Variants in AOPEP observed in about 807,000 individuals in gnomAD.
The protein encoded by AOPEP is aminopeptidase O.
AOPEP carries 77 observed loss-of-function variants against 98.1 expected under a neutral mutation model. The observed-to-expected ratio is 0.78, with a 90% CI of 0.65 to 0.95. AOPEP has a LOEUF of 0.95. Among genes scored for constraint, AOPEP ranks in the 40% least tolerant of loss-of-function variants. The pLI is 0.00. For missense variants in AOPEP, 1,024 were observed against 1,024.7 expected (o/e 1.00, Z 0.01); for synonymous variants, 346 against 365.3 (o/e 0.95, Z 0.60).
intron 11 of AOPEP, among the ~76,000 whole-genome samples, chr9:94,986,691 G>A (rs955538985): frequency 5.6e-4 from 85 of 152,228 alleles, no homozygotes; most frequent in Admixed American, 3.5e-3. Context: ...TCTGTGCTGC[G>A]TGTTGTGTAA....
At chr9:94,937,364 A>T (rs556799854) in intron 7 of AOPEP, among the ~76,000 whole-genome samples, 10 of 152,236 alleles carry the variant, frequency 6.6e-5, no homozygotes. Flanking sequence ...CTGCGTGTGC[A>T]TGTCCCTCGT....
the AOPEP span, among the ~76,000 whole-genome samples, chr9:95,139,528 G>C: frequency 6.6e-6 from 1 of 152,086 alleles, no homozygotes; most frequent in Non-Finnish European, 1.5e-5. Flanking sequence ...CACGGGGATG[G>C]CGGAACAGAG....
chr9:94,759,848 T>G lies in AOPEP; in HGVS notation c.65T>G (p.Leu22Arg). 1 of 1,614,142 alleles carries G rather than the reference T, an allele frequency of 6.2e-7. No individual in the cohort carries two copies. The highest frequency in any genetic ancestry group is 8.5e-7 in the Non-Finnish European group (1 of 1,180,014). ...LPLMANTSHI[L>R]VKHYVLDLDV... ...CTCATGGCCAACACCAGCCACATAC[T>G]TGTGAAGCACTATGTACTGGATTTG... The change falls in exon 2 of 17, where the codon CTT becomes CGT. Residue 22 changes from leucine (L) to arginine (R), a missense_variant. Coordinates refer to ENST00000375315, the MANE Select transcript of AOPEP (RefSeq NM_001193329.3).
At chr9:94,933,270 T>A in intron 7 of AOPEP, 1 of 985,552 alleles carries the variant, frequency 1.0e-6, no homozygotes, top group African/African-American at 1.7e-5. Flanking sequence ...TGCAGCTGGA[T>A]TCCGGCAGCT....
intron 5 of AOPEP, among the ~76,000 whole-genome samples, chr9:94,803,918 C>T (rs1171646645): frequency 6.6e-6 from 1 of 152,114 alleles, no homozygotes; most frequent in Non-Finnish European, 1.5e-5. Flanking sequence ...CTGAATCTGC[C>T]ATATCAGGAA....
chr9:95,136,421 C>T, the AOPEP span, among the ~76,000 whole-genome samples: 5 of 151,878 alleles, frequency 3.3e-5, no homozygotes, highest in Admixed American at 6.6e-5. Flanking sequence ...GTAGTTATGG[C>T]CTAGTTGATG....
intron 7 of AOPEP, among the ~76,000 whole-genome samples, chr9:94,945,545 G>C (rs2137639670): frequency 6.6e-6 from 1 of 152,252 alleles, no homozygotes; most frequent in Middle Eastern, 3.4e-3. Flanking sequence ...TGTGCATCCT[G>C]GTATGTACTG....
chr9:94,946,135 C>A (rs1423266452), intron 7 of AOPEP, among the ~76,000 whole-genome samples: 1 of 152,138 alleles, frequency 6.6e-6, no homozygotes, highest in Non-Finnish European at 1.5e-5. Context: ...ATATTTAATA[C>A]AATTCAGTTA....
chr9:94,924,119 C>T lies in AOPEP; in HGVS notation c.1498C>T (p.Leu500=). 1 of 1,504,920 alleles carries T rather than the reference C, an allele frequency of 6.6e-7. No individual in the cohort carries two copies. The highest frequency in any genetic ancestry group is 8.9e-7 in the Non-Finnish European group (1 of 1,123,624). The allele number at this position is 1,504,920 out of a possible 1,614,324, so 93.2% of individuals were successfully genotyped here. The change falls in exon 6 of 17, where the codon CTG becomes TTG. Residue 500 remains leucine, a synonymous_variant. Coordinates refer to ENST00000375315, the MANE Select transcript of AOPEP (RefSeq NM_001193329.3). The part of the protein sequence containing the change: ...IGARDWTEEW[L]SEGFATHLED... ...GGCCCGAGACTGGACGGAGGAGTGGCTGAGTGAAGGCTTCGCCACTCACTT... is the reference window on the plus strand; with the variant it reads ...GGCCCGAGACTGGACGGAGGAGTGGTTGAGTGAAGGCTTCGCCACTCACTT...
At chr9:94,909,379 A>T (rs2051669243) in intron 5 of AOPEP, among the ~76,000 whole-genome samples, 1 of 151,560 alleles carries the variant, frequency 6.6e-6, no homozygotes. Flanking sequence ...AGAATGAGAA[A>T]ATTTGAAAAC....
intron 11 of AOPEP, among the ~76,000 whole-genome samples, chr9:94,991,890 T>C (rs1335191764): frequency 6.6e-6 from 1 of 152,214 alleles, no homozygotes; most frequent in Non-Finnish European, 1.5e-5. Flanking sequence ...TGATTGTATA[T>C]AGAGATTAGT....
At chr9:95,045,481 C>A (rs1269331870) in intron 13 of AOPEP, among the ~76,000 whole-genome samples, 2 of 152,246 alleles carry the variant, frequency 1.3e-5, no homozygotes, top group Admixed American at 6.5e-5. Context: ...TTTGGACACG[C>A]CTGAGTTTTT....
At chr9:94,804,773 T>C (rs765915373) in intron 5 of AOPEP, among the ~76,000 whole-genome samples, 7 of 152,176 alleles carry the variant, frequency 4.6e-5, no homozygotes, top group Non-Finnish European at 7.3e-5. Flanking sequence ...AGAAAATTAG[T>C]GTACGTGAAA....
In AOPEP at chr9:94,741,421, C is replaced by T. The variant is rs10993332; in HGVS notation, c.-136+14670C>T. Among the ~76,000 whole-genome samples, 422 of 152,008 alleles carry T rather than the reference C, an allele frequency of 2.8e-3. 2 individuals carry two copies. Among genetic ancestry groups the T allele is most frequent in the Non-Finnish European group, 4.8e-3 (328 of 67,948 alleles). On this transcript the variant is annotated intron_variant, in intron 1 of 16. Coordinates refer to ENST00000375315, the MANE Select transcript of AOPEP (RefSeq NM_001193329.3). ...CCGAGTAGCTGGGACTACAGGCGCC[C>T]GCCACCATGCCTGGCTAATTTTTGT...
At chr9:95,132,873 T>C in the AOPEP span, among the ~76,000 whole-genome samples, 53 of 152,344 alleles carry the variant, frequency 3.5e-4, no homozygotes, top group Non-Finnish European at 6.6e-4. Flanking sequence ...TTGGTAACTA[T>C]AGAATTTCCA....
chr9:95,084,049 G>A (rs1490882767), intron 16 of AOPEP, among the ~76,000 whole-genome samples: 2 of 152,104 alleles, frequency 1.3e-5, no homozygotes, highest in Admixed American at 1.3e-4. Context: ...TTATTTCTGT[G>A]TCTGCTCCGT....
chr9:95,120,498 T>C, the AOPEP span, among the ~76,000 whole-genome samples: 1 of 151,692 alleles, frequency 6.6e-6, no homozygotes, highest in Non-Finnish European at 1.5e-5. Flanking sequence ...CACTGCAGCC[T>C]CCACGTTCTG....
chr9:95,078,250 C>T (rs922158028), intron 14 of AOPEP, among the ~76,000 whole-genome samples: 6 of 152,076 alleles, frequency 3.9e-5, no homozygotes, highest in African/African-American at 7.2e-5. Flanking sequence ...TGTGGGCTGC[C>T]GCTGCCTCCG....
At chr9:94,952,065 T>C (rs771830013) in intron 7 of AOPEP, among the ~76,000 whole-genome samples, 4 of 152,088 alleles carry the variant, frequency 2.6e-5, no homozygotes, top group Non-Finnish European at 4.4e-5. Context: ...AGAATGGGAG[T>C]AGACCGACCA....
Sources: allele counts gnomAD v4.1 joint callset (sites outside exome capture counted in the v4.1 genomes callset), GRCh38; gene constraint gnomAD v4.1.1; transcripts MANE v1.5; gene names NCBI Gene and HGNC (gene_info 2026-07-23, HGNC 2026-07-21).